TMTC1: variants seen among roughly 807,000 people sequenced by gnomAD.
TMTC1 encodes protein O-mannosyl-transferase TMTC1.
TMTC1 carries 73 observed loss-of-function variants against 104.8 expected under a neutral mutation model. The ratio of observed to expected loss-of-function variants is 0.70; its 90% CI spans 0.58 to 0.85. TMTC1 has a LOEUF of 0.85. TMTC1 is among the 40% of genes least tolerant of loss of function. The probability of loss-of-function intolerance (pLI) is 0.00; values close to 1 mark genes in which losing one functional copy is unlikely to be tolerated. For missense variants in TMTC1, 1,035 were observed against 1,096.1 expected, an observed-to-expected ratio of 0.94 and a Z score of 0.79; for synonymous variants, 434 against 428.7, an observed-to-expected ratio of 1.01 and a Z score of -0.15.
chr12:29,734,888 C>T (rs914542373), intron 5 of TMTC1, among the ~76,000 whole-genome samples: 4 of 152,122 alleles, frequency 2.6e-5, no homozygotes, highest in Non-Finnish European at 5.9e-5. Context: ...TGGATCTATT[C>T]CAACTCTGTA....
chr12:29,644,610 G>C (rs1421177581), intron 5 of TMTC1, among the ~76,000 whole-genome samples: 1 of 152,082 alleles, frequency 6.6e-6, no homozygotes, highest in East Asian at 1.9e-4. Flanking sequence ...CTGCAAGAAA[G>C]AAAGGCAGCA....
At chr12:29,709,526 A>G (rs1322980439) in intron 5 of TMTC1, among the ~76,000 whole-genome samples, 1 of 152,222 alleles carries the variant, frequency 6.6e-6, no homozygotes, top group Non-Finnish European at 1.5e-5. Context: ...TCCATGTTCC[A>G]CTTTTAAAAT....
chr12:29,618,742 T>C (rs1947055405), intron 6 of TMTC1, among the ~76,000 whole-genome samples: 1 of 152,160 alleles, frequency 6.6e-6, no homozygotes, highest in Admixed American at 6.5e-5. Flanking sequence ...TTAGCTGCTT[T>C]TATCTCTGGG....
intron 2 of TMTC1, among the ~76,000 whole-genome samples, chr12:29,763,688 T>C (rs1943402569): frequency 6.6e-6 from 1 of 152,190 alleles, no homozygotes. Context: ...TAGGAAGGCT[T>C]CACAGGTCTG....
intron 5 of TMTC1, among the ~76,000 whole-genome samples, chr12:29,723,966 T>C (rs981428288): frequency 4.6e-5 from 7 of 152,314 alleles, no homozygotes; most frequent in African/African-American, 1.7e-4. Flanking sequence ...TTCAGAAATG[T>C]TTAGAAAACA....
chr12:29,585,323 G>T (rs1592273858), intron 7 of TMTC1, among the ~76,000 whole-genome samples: 1 of 152,052 alleles, frequency 6.6e-6, no homozygotes, highest in South Asian at 2.1e-4. Context: ...TGAGTTCATT[G>T]CAGATTCTGG....
chr12:29,548,723 C>T (rs1287405629), intron 10 of TMTC1, among the ~76,000 whole-genome samples: 2 of 150,244 alleles, frequency 1.3e-5, no homozygotes, highest in African/African-American at 4.9e-5. Context: ...CAGACTAATA[C>T]AGTAATTTCT....
chr12:29,675,609 CACACACACACACACACACA>C (rs529777293), intron 5 of TMTC1, among the ~76,000 whole-genome samples: 57 of 147,532 alleles, frequency 3.9e-4, no homozygotes, highest in African/African-American at 1.3e-3. Flanking sequence ...CACACACACA[CACACACACACACACACACA>C]CACCCTCCAT....
At chr12:29,683,698 A>G (rs1361606543) in intron 5 of TMTC1, among the ~76,000 whole-genome samples, 2 of 152,228 alleles carry the variant, frequency 1.3e-5, no homozygotes, top group Admixed American at 1.3e-4. Context: ...AATCCCATAC[A>G]AGAAGAGAAA....
chr12:29,763,746 C>T (rs941868440), intron 2 of TMTC1, among the ~76,000 whole-genome samples: 1 of 152,148 alleles, frequency 6.6e-6, no homozygotes, highest in Admixed American at 6.5e-5. Context: ...TTTCAGGAAG[C>T]TCAAGGCGAG....
rs78604540 is a variant in TMTC1, at chr12:29,644,498, C to T, written c.939-11162G>A. On this transcript the variant is annotated intron_variant, in intron 5 of 17. Transcript: ENST00000539277. ...ACATAACCAAATACCACCTGTACCACCAATAACCTATGGAAAATTAAAAAA... is the reference window on the plus strand; with the variant it reads ...ACATAACCAAATACCACCTGTACCATCAATAACCTATGGAAAATTAAAAAA... Among the ~76,000 whole-genome samples the T allele has an allele frequency of 7.7e-3, 1,176 of 151,908 alleles. 18 individuals are homozygous for T. The highest frequency in any genetic ancestry group is 0.026 in the African/African-American group (1,079 of 41,412).
At chr12:29,780,232 T>C (rs1323735828) in intron 1 of TMTC1, among the ~76,000 whole-genome samples, 1 of 152,186 alleles carries the variant, frequency 6.6e-6, no homozygotes, top group Non-Finnish European at 1.5e-5. Flanking sequence ...CAGCCAAAAG[T>C]TGGAAACAAC....
chr12:29,688,148 T>C (rs1485704530), intron 5 of TMTC1, among the ~76,000 whole-genome samples: 1 of 152,198 alleles, frequency 6.6e-6, no homozygotes, highest in Non-Finnish European at 1.5e-5. Flanking sequence ...TGATTTGTGA[T>C]GGAGCTGGTC....
chr12:29,518,494 T>C lies in TMTC1; in HGVS notation c.2002A>G (p.Met668Val). The change falls in exon 13 of 18, where the codon ATG becomes GTG. Residue 668 changes from methionine (M) to valine (V), a missense_variant. Met to Val is a conservative substitution (Grantham distance 21). Transcript: ENST00000539277. ...RLYRSLGENS[M>V]AEEWYKRALQ... ...TACCGCTTGTACCATTCTTCAGCCA[T>C]GCTGTTCTCTCCCAGTGACCTGTAG... 1.2e-6 allele frequency: 2 copies of C among 1,614,062 alleles called. No homozygotes were observed. Among genetic ancestry groups the C allele is most frequent in the East Asian group, 4.5e-5 (2 of 44,876 alleles).
At chr12:29,632,894 T>C (rs1420638785) in intron 6 of TMTC1, among the ~76,000 whole-genome samples, 1 of 152,168 alleles carries the variant, frequency 6.6e-6, no homozygotes, top group African/African-American at 2.4e-5. Flanking sequence ...AATAAATTAC[T>C]TTGAAAATCA....
chr12:29,637,085 AACACACACACACAC>A (rs200543052), intron 5 of TMTC1, among the ~76,000 whole-genome samples: 242 of 47,694 alleles, frequency 5.1e-3, no homozygotes, highest in African/African-American at 0.013. Flanking sequence ...CAAAATGAGA[AACACACACACACAC>A]ACACACACAC....
At chr12:29,522,619 C>T (rs962184580) in intron 11 of TMTC1, among the ~76,000 whole-genome samples, 1 of 151,616 alleles carries the variant, frequency 6.6e-6, no homozygotes, top group Admixed American at 6.6e-5. Flanking sequence ...AATTATATAA[C>T]AACCTGAGAA....
chr12:29,566,009 A>C (rs918387137), intron 9 of TMTC1, among the ~76,000 whole-genome samples: 1 of 152,184 alleles, frequency 6.6e-6, no homozygotes, highest in Non-Finnish European at 1.5e-5. Context: ...GAGGAGGGAC[A>C]CACAATTAAC....
At chr12:29,579,806 C>T (rs1488155507) in intron 8 of TMTC1, among the ~76,000 whole-genome samples, 1 of 152,142 alleles carries the variant, frequency 6.6e-6, no homozygotes, top group Non-Finnish European at 1.5e-5. Flanking sequence ...AGAAAATATG[C>T]CTTGCAGCTA....
Sources: allele counts gnomAD v4.1 joint callset (sites outside exome capture counted in the v4.1 genomes callset), GRCh38; gene constraint gnomAD v4.1.1; transcripts MANE v1.5; gene names NCBI Gene and HGNC (gene_info 2026-07-23, HGNC 2026-07-21).